The following RUNX1 variants were observed in gnomAD, a reference collection of about 807,000 sequenced individuals.
RUNX1 encodes RUNX family transcription factor 1.
In RUNX1, 19 loss-of-function variants were observed where a neutral mutation model predicts 42.8. That is an observed-to-expected ratio of 0.44 (90% CI 0.31 to 0.65). The LOEUF (loss-of-function observed/expected upper bound fraction) is 0.65, where lower values mean the gene tolerates loss of function less well. RUNX1 is among the 30% of genes least tolerant of loss of function. The pLI is 0.07. For synonymous variants in RUNX1, 271 were observed against 289.4 expected (o/e 0.94, Z 0.64); for missense variants, 528 against 672.0 (o/e 0.79, Z 2.37).
intron 2 of RUNX1, among the ~76,000 whole-genome samples, chr21:34,947,442 G>A (rs1392600248): frequency 1.3e-5 from 2 of 152,164 alleles, no homozygotes; most frequent in African/African-American, 2.4e-5. Context: ...ACTCTTACAT[G>A]AGTGACTGAA....
At chr21:34,890,145 T>C (rs1039450813) in intron 3 of RUNX1, among the ~76,000 whole-genome samples, 1 of 151,752 alleles carries the variant, frequency 6.6e-6, no homozygotes, top group Non-Finnish European at 1.5e-5. Flanking sequence ...CGTGGAGGCC[T>C]TTCCCGGGCG....
At chr21:34,818,221 C>T (rs2056858115) in intron 7 of RUNX1, among the ~76,000 whole-genome samples, 1 of 152,272 alleles carries the variant, frequency 6.6e-6, no homozygotes, top group Non-Finnish European at 1.5e-5. Flanking sequence ...GCTCCACTCC[C>T]ATGATGACTG....
rs1060502574 is a variant in RUNX1, at chr21:34,834,410, C to G, written c.805G>C (p.Asp269His). 1 of 1,610,108 alleles carries G rather than the reference C, an allele frequency of 6.2e-7. No individual in the cohort carries two copies. The highest frequency in any genetic ancestry group is 8.5e-7 in the Non-Finnish European group (1 of 1,176,766). Residue 269 changes from aspartate to histidine, a missense_variant and splice_region_variant, in exon 7 of 9, where the codon GAT (aspartate) becomes CAT (histidine). Asp to His is a moderately conservative substitution (Grantham distance 81). This residue lies in a region of RUNX1 where 331 missense variants were observed against 382.5 expected (regional missense o/e 0.87). Transcript: ENST00000675419. Reference protein sequence around the residue: ...FNPQPQSQMQDTRQIQPSPPW... With the variant: ...FNPQPQSQMQHTRQIQPSPPW... ...GCAGTGGGCTCCATCTGGTACTTAC[C>G]CTGCATCTGACTCTGAGGCTGAGGG... is the stretch of plus-strand genomic sequence containing the variant.
intron 2 of RUNX1, among the ~76,000 whole-genome samples, chr21:35,001,934 CAAG>C (rs1453041484): frequency 6.6e-6 from 1 of 151,860 alleles, no homozygotes; most frequent in African/African-American, 2.4e-5. Context: ...AAATTTTAAA[CAAG>C]GAGGCAAAAG....
At chr21:34,927,262 G>T (rs781116767) in intron 2 of RUNX1, among the ~76,000 whole-genome samples, 2 of 152,114 alleles carry the variant, frequency 1.3e-5, no homozygotes, top group Non-Finnish European at 2.9e-5. Context: ...AACAGGCTGG[G>T]CTTCAGCCTC....
At chr21:34,971,160 C>T (rs2058761081) in intron 2 of RUNX1, among the ~76,000 whole-genome samples, 1 of 152,120 alleles carries the variant, frequency 6.6e-6, no homozygotes, top group African/African-American at 2.4e-5. Context: ...TTTGAATTGA[C>T]TTATTAGTAT....
At chr21:34,867,910 G>A (rs1569069025) in intron 5 of RUNX1, among the ~76,000 whole-genome samples, 1 of 152,102 alleles carries the variant, frequency 6.6e-6, no homozygotes, top group Non-Finnish European at 1.5e-5. Flanking sequence ...GGTCACACAG[G>A]GCAAGTGACC....
chr21:35,021,467 C>T (rs1213397277), intron 2 of RUNX1, among the ~76,000 whole-genome samples: 1 of 152,196 alleles, frequency 6.6e-6, no homozygotes, highest in East Asian at 1.9e-4. Context: ...CAAACATAGT[C>T]ACTTAAATAC....
At chr21:34,878,167 T>G (rs1394582231) in intron 5 of RUNX1, among the ~76,000 whole-genome samples, 1 of 101,648 alleles carries the variant, frequency 9.8e-6, no homozygotes, top group Admixed American at 8.7e-5. Context: ...GGAAGCAAAT[T>G]GCAAAAAAAA....
intron 2 of RUNX1, among the ~76,000 whole-genome samples, chr21:34,957,351 C>T (rs1391283355): frequency 6.6e-6 from 1 of 152,192 alleles, no homozygotes; most frequent in African/African-American, 2.4e-5. Context: ...GCCAGGATGG[C>T]TCGTGAAATG....
intron 2 of RUNX1, among the ~76,000 whole-genome samples, chr21:34,958,892 C>T (rs2146696758): frequency 6.6e-6 from 1 of 152,222 alleles, no homozygotes; most frequent in Admixed American, 6.5e-5. Flanking sequence ...GAGTTCATGT[C>T]CTTTGTAGGG....
intron 6 of RUNX1, among the ~76,000 whole-genome samples, chr21:34,851,692 T>C (rs548676196): frequency 2.0e-5 from 3 of 152,346 alleles, no homozygotes; most frequent in African/African-American, 4.8e-5. Context: ...ATTAGTGATA[T>C]GGTTTTGCGA....
chr21:34,851,868 T>C (rs374919998), intron 6 of RUNX1, among the ~76,000 whole-genome samples: 2 of 152,184 alleles, frequency 1.3e-5, no homozygotes, highest in African/African-American at 4.8e-5. Context: ...AATGCCATCT[T>C]AGAAAATCTC....
At chr21:34,989,000 C>CTCTA (rs144294671) in intron 2 of RUNX1, among the ~76,000 whole-genome samples, 21,708 of 148,618 alleles carry the variant, frequency 0.15, 1,702 homozygotes, top group Admixed American at 0.23. Context: ...CCAGATCTCT[C>CTCTA]TCTCTCTCTC....
chr21:35,028,070 GT>G (rs1300771978), intron 2 of RUNX1, among the ~76,000 whole-genome samples: 4 of 152,214 alleles, frequency 2.6e-5, no homozygotes, highest in Non-Finnish European at 5.9e-5. Flanking sequence ...AGTGCCAGTT[GT>G]CAGCTGTAAA....
intron 3 of RUNX1, chr21:34,887,335 AC>A (rs1414522620): frequency 6.9e-7 from 1 of 1,444,762 alleles, no homozygotes; most frequent in Admixed American, 2.6e-5. Flanking sequence ...TCGGCCTCTG[AC>A]CCAGGATGGG....
chr21:34,860,702 A>G (rs1359682700), intron 5 of RUNX1, among the ~76,000 whole-genome samples: 1 of 152,256 alleles, frequency 6.6e-6, no homozygotes, highest in East Asian at 1.9e-4. Context: ...AGCATAAAGT[A>G]AATCAAAGAC....
Position 34,880,697 on chromosome 21 carries a change from T to A in RUNX1, c.368A>T (p.Asp123Val), listed in dbSNP as rs2057889754. The A allele has an allele frequency of 6.2e-7, 1 of 1,614,024 alleles. No individual in the cohort carries two copies. Among genetic ancestry groups the A allele is most frequent in the Middle Eastern group, 1.6e-4 (1 of 6,062 alleles). Reference protein sequence around the residue: ...PIAFKVVALGDVPDGTLVTVM... With the variant: ...PIAFKVVALGVVPDGTLVTVM... Reference sequence around the variant, plus strand: ...AGTGACCAGAGTGCCATCTGGAACATCCCCTAGGGCCACCACCTAAACACC... The same window carrying A: ...AGTGACCAGAGTGCCATCTGGAACAACCCCTAGGGCCACCACCTAAACACC... The change falls in exon 5 of 9, where the codon GAT (aspartate) becomes GTT (valine). Residue 123 changes from aspartate (D) to valine (V), a missense_variant. Asp to Val is a radical substitution (Grantham distance 152). This residue lies in a region of RUNX1 where 83 missense variants were observed against 174.5 expected (regional missense o/e 0.48). Transcript: ENST00000675419.
rs905954612 is a variant in RUNX1 at position 34,907,414 on chromosome 21, G to A, written c.59-14451C>T. Among the ~76,000 whole-genome samples, 2 of 152,138 alleles carry A rather than the reference G, an allele frequency of 1.3e-5. No individual in the cohort carries two copies. Among genetic ancestry groups the A allele is most frequent in the African/African-American group, 4.8e-5 (2 of 41,432 alleles). ...GAACAGAATAACTGGAAAATAGAGT[G>A]CTTCATCAGTAGTAAGGGTGAATAC... On this transcript the variant is annotated intron_variant, in intron 2 of 8. Transcript: ENST00000675419. This position sits in a 1 kb window ranked among gnomAD's most constrained non-coding sequence, Gnocchi z 5.3.
Sources: gnomAD v4.1 joint callset for allele counts (sites outside exome capture counted in the v4.1 genomes callset) on GRCh38, gnomAD v4.1.1 for gene constraint, gnomAD v4.1.1 regional missense constraint, Gnocchi (gnomAD v3.1) non-coding constraint, MANE v1.5 for transcripts, NCBI Gene and HGNC (gene_info 2026-07-23, HGNC 2026-07-21) for gene names.